Variants in ABI3BP observed in about 807,000 individuals in gnomAD.
ABI3BP encodes ABI family member 3 binding protein, also known as target of Nesh-SH3.
ABI3BP carries 216 observed loss-of-function variants against 268.6 expected under a neutral mutation model. That is an observed-to-expected ratio of 0.80 (90% CI 0.72 to 0.90). The LOEUF is 0.90. ABI3BP is among the 40% of genes least tolerant of loss of function. The probability of loss-of-function intolerance (pLI) is 0.00; values close to 1 mark genes in which losing one functional copy is unlikely to be tolerated. For synonymous variants in ABI3BP, 730 were observed against 730.0 expected (o/e 1.00, Z 0.00); for missense variants, 2,090 against 2,182.4 (o/e 0.96, Z 0.84).
intron 55 of ABI3BP, 78 bp downstream of exon 55, chr3:100,792,613 C>G: frequency 7.0e-7 from 1 of 1,431,736 alleles, no homozygotes; most frequent in Non-Finnish European, 9.8e-7. Context: ...TGAGAAATGA[C>G]ATTCTGAAAG....
At chr3:100,823,734 T>G (rs73135554) in intron 36 of ABI3BP, among the ~76,000 whole-genome samples, 21,442 of 152,194 alleles carry the variant, frequency 0.14, 1,960 homozygotes, top group South Asian at 0.27. Flanking sequence ...ATCTTGAGTA[T>G]GTTAAAGAAG....
At chr3:100,801,095 TC>T (rs1181838745) in intron 51 of ABI3BP, among the ~76,000 whole-genome samples, 8 of 152,102 alleles carry the variant, frequency 5.3e-5, no homozygotes, top group African/African-American at 1.9e-4. Context: ...TAAGTGGCAA[TC>T]AATATTTGCT....
chr3:100,951,952 A>G (rs2075232125), intron 1 of ABI3BP, among the ~76,000 whole-genome samples: 1 of 150,038 alleles, frequency 6.7e-6, no homozygotes, highest in Non-Finnish European at 1.5e-5. Flanking sequence ...TGAGTTGTAA[A>G]TAAGTCAATG....
Position 100,890,736 on chromosome 3 carries a change from CTG to C in ABI3BP, c.462-4415_462-4414del, listed in dbSNP as rs369270766. On this transcript the variant is annotated intron_variant, in intron 4 of 67. Coordinates refer to ENST00000471714, the MANE Select transcript of ABI3BP (RefSeq NM_001375547.2). ...CCTTATGACCAAATTACTTAATCCT[CTG>C]TGAATTTCATAACTAACTTAAAATC... is the stretch of plus-strand genomic sequence containing the variant. Among the ~76,000 whole-genome samples, 75 of 152,270 alleles carry C rather than the reference CTG, an allele frequency of 4.9e-4. No homozygotes were observed. In the East Asian group the frequency reaches 0.014, roughly 29 times the overall value.
intron 20 of ABI3BP, chr3:100,844,019 A>C: frequency 1.0e-6 from 1 of 982,446 alleles, no homozygotes; most frequent in African/African-American, 1.7e-5. Flanking sequence ...ATTGCACATA[A>C]AAACAGTAAG....
chr3:100,830,769 G>T, intron 31 of ABI3BP, 135 bp from the exon 32 acceptor site: 2 of 668,736 alleles, frequency 3.0e-6, no homozygotes, highest in Non-Finnish European at 4.8e-6. Flanking sequence ...AAAGAAAGTG[G>T]CTGTATTTTT....
chr3:100,912,898 ACT>A (rs1264822846), intron 2 of ABI3BP, among the ~76,000 whole-genome samples: 8 of 151,990 alleles, frequency 5.3e-5, no homozygotes, highest in African/African-American at 1.9e-4. Context: ...GGGCTCTGTG[ACT>A]CTGTAGCTAT....
At chr3:100,821,184 A>C in intron 38 of ABI3BP, 71 bp from the exon 39 acceptor site, 1 of 1,330,934 alleles carries the variant, frequency 7.5e-7, no homozygotes, top group Non-Finnish European at 1.0e-6. Flanking sequence ...TTTCTTCAAA[A>C]ATGAGTCTTA....
rs1014147040 is a variant in ABI3BP at position 100,864,975 on chromosome 3, T to C, written c.989-68A>G. ...AAGCAACCAAAGACCAGGAGACACA[T>C]CCTGTTGCCTTTTAGAATTAGTGGC... On this transcript the variant is annotated intron_variant, in intron 10 of 67. Transcript: ENST00000471714. 3.3e-6 allele frequency: 4 copies of C among 1,206,976 alleles called. No homozygotes were observed. The African/African-American group carries it at 6.1e-5, about 18-fold the overall frequency. 74.8% of individuals were successfully genotyped at this position (1,206,976 alleles called of 1,614,324 possible). A position where few individuals can be genotyped will look rare whatever the true frequency, so the allele number is the denominator to read the frequency against.
At position 100,834,756 on chromosome 3, in the gene ABI3BP, G is replaced by C. The variant is rs529840844; in HGVS notation, c.2209C>G (p.Arg737Gly). The C allele has an allele frequency of 6.5e-7, 1 of 1,535,496 alleles. No homozygotes were observed. The highest frequency in any genetic ancestry group is 1.4e-5 in the African/African-American group (1 of 72,980). ...VTTLAPKTSQ[R>G]TRTRRPRPKH... ...GGACGTGGACGACGTGTTCTTGTTC[G>C]TTGCGATGTTTTTGGAGCTAAAGAA... Residue 737 changes from arginine to glycine, a missense_variant, in exon 29 of 68, where the codon CGA (arginine) becomes GGA (glycine). Physicochemically the swap from Arg to Gly is moderately radical, Grantham distance 125. Coordinates refer to ENST00000471714, the MANE Select transcript of ABI3BP (RefSeq NM_001375547.2).
chr3:100,835,264 T>C (rs75316850), intron 28 of ABI3BP, among the ~76,000 whole-genome samples: 7,244 of 152,300 alleles, frequency 0.048, 213 homozygotes, highest in Non-Finnish European at 0.053. Context: ...AGAATTATAA[T>C]TGATATTTAT....
chr3:100,940,829 T>TATATATATATATATAGATAG (rs1244113888), intron 1 of ABI3BP, among the ~76,000 whole-genome samples: 1 of 41,232 alleles, frequency 2.4e-5, no homozygotes, highest in Non-Finnish European at 4.3e-5. Context: ...TATATATATA[T>TATATATATATATATAGATAG]ATGATATGAT....
intron 54 of ABI3BP, among the ~76,000 whole-genome samples, chr3:100,794,717 GATGT>G (rs2097294187): frequency 6.6e-6 from 1 of 151,846 alleles, no homozygotes; most frequent in Non-Finnish European, 1.5e-5. Flanking sequence ...ACACATCTTA[GATGT>G]GTTAAAACAT....
chr3:100,849,707 CT>C (rs1225464386), intron 17 of ABI3BP, among the ~76,000 whole-genome samples: 1 of 152,182 alleles, frequency 6.6e-6, no homozygotes, highest in Admixed American at 6.5e-5. Flanking sequence ...GGGTAAAATA[CT>C]TTGATCAAAT....
At chr3:100,804,679 G>A (rs756447499) in intron 51 of ABI3BP, 113 bp downstream of exon 51, 1 of 929,812 alleles carries the variant, frequency 1.1e-6, no homozygotes, top group Non-Finnish European at 1.7e-6. Context: ...GATACAACAT[G>A]GGATTTAAAC....
intron 17 of ABI3BP, among the ~76,000 whole-genome samples, chr3:100,849,587 A>C (rs1392908244): frequency 6.6e-6 from 1 of 152,050 alleles, no homozygotes; most frequent in Non-Finnish European, 1.5e-5. Context: ...CGCTATTTCA[A>C]TAATTTTCTG....
chr3:100,993,225 G>C (rs2093231067), intron 1 of ABI3BP, 81 bp downstream of exon 1: 1 of 1,019,898 alleles, frequency 9.8e-7, no homozygotes, highest in African/African-American at 1.6e-5. Flanking sequence ...GTATGGTAAA[G>C]CAGATCATAT....
At chr3:100,853,744 A>G (rs556546902) in intron 14 of ABI3BP, among the ~76,000 whole-genome samples, 250 of 152,294 alleles carry the variant, frequency 1.6e-3, no homozygotes, top group African/African-American at 5.7e-3. Context: ...TTATTCCCAT[A>G]AGGCATTCGC....
intron 10 of ABI3BP, 92 bp downstream of exon 10, chr3:100,866,787 C>G (rs949087864): frequency 4.8e-6 from 5 of 1,039,742 alleles, no homozygotes; most frequent in Admixed American, 4.7e-5. Flanking sequence ...GTATTTCCTA[C>G]TGGCTCTTTA....
Sources: allele counts gnomAD v4.1 joint callset (sites outside exome capture counted in the v4.1 genomes callset), GRCh38; gene constraint gnomAD v4.1.1; transcripts MANE v1.5; gene names NCBI Gene and HGNC (gene_info 2026-07-23, HGNC 2026-07-21).